The following IRAG1 variants were observed in gnomAD, a reference collection of about 807,000 sequenced individuals.
IRAG1 encodes the protein inositol 1,4,5-triphosphate receptor associated 1.
A neutral mutation model predicts 106.2 loss-of-function variants in IRAG1; 62 were observed. The ratio of observed to expected loss-of-function variants is 0.58; its 90% CI spans 0.48 to 0.72. The LOEUF is 0.72. Among genes scored for constraint, IRAG1 ranks in the 30% least tolerant of loss-of-function variants. The pLI is 0.00. For synonymous variants in IRAG1, 462 were observed against 443.9 expected (o/e 1.04, Z -0.51); for missense variants, 1,064 against 1,140.7 (o/e 0.93, Z 0.97).
rs528243828 is a variant in IRAG1 at position 10,665,583 on chromosome 11, C to T, written c.68-13401G>A. ...GAGCTGGATAGGCTCTCACTCTCAA[C>T]CCTCCCCAGAAGAGCAGACCCCAAG... On this transcript the variant is annotated intron_variant, in intron 1 of 20. Coordinates refer to ENST00000423302, the MANE Select transcript of IRAG1 (RefSeq NM_130385.4). The surrounding 1 kb of genome is among the most constrained non-coding windows in gnomAD (Gnocchi z 4.2). Among the ~76,000 whole-genome samples, 2 of 152,344 alleles carry T rather than the reference C, an allele frequency of 1.3e-5. No individual in the cohort carries two copies. The highest frequency in any genetic ancestry group is 3.9e-4 in the East Asian group (2 of 5,188).
Position 10,623,991 on chromosome 11 carries a change from C to A in IRAG1, c.1369-135G>T, listed in dbSNP as rs563244597. 24 of 749,840 alleles carry A rather than the reference C, an allele frequency of 3.2e-5. No homozygotes were observed. The African/African-American group carries it at 3.6e-4, about 11-fold the overall frequency. The allele number at this position is 749,840 out of a possible 1,614,324, so 46.4% of individuals were successfully genotyped here. ...GCAGCCTGAGAGGTGGGTGGGCAGG[C>A]ATGGCATGGTGAGGCCTGAGAAGCA... is the stretch of plus-strand genomic sequence containing the variant. On this transcript the variant is annotated intron_variant, in intron 9 of 20. Coordinates refer to ENST00000423302, the MANE Select transcript of IRAG1 (RefSeq NM_130385.4).
chr11:10,574,132 C>A lies in IRAG1; in HGVS notation c.*2200G>T, dbSNP rs1015655021. Reference sequence around the variant, plus strand: ...GTGGGGGGTCTCTCTGAAGGAGTGACTGCATTGAGCCCAGTCCTTGAGCTT... The same window carrying A: ...GTGGGGGGTCTCTCTGAAGGAGTGAATGCATTGAGCCCAGTCCTTGAGCTT... On this transcript the variant is annotated 3_prime_UTR_variant, in exon 21 of 21. Coordinates refer to ENST00000423302, the MANE Select transcript of IRAG1 (RefSeq NM_130385.4). The A allele has an allele frequency of 2.0e-5, 3 of 152,518 alleles. No individual in the cohort carries two copies. The highest frequency in any genetic ancestry group is 7.2e-5 in the African/African-American group (3 of 41,584). 9.4% of individuals were successfully genotyped at this position (152,518 alleles called of 1,614,324 possible).
rs545563197 is a variant in IRAG1, at chr11:10,583,812, G to A, written c.2241-1826C>T. Among the ~76,000 whole-genome samples the A allele has an allele frequency of 3.3e-5, 5 of 152,292 alleles. No individual in the cohort carries two copies. The South Asian group carries it at 1.0e-3, about 32-fold the overall frequency. On this transcript the variant is annotated intron_variant, in intron 18 of 20. Coordinates refer to ENST00000423302, the MANE Select transcript of IRAG1 (RefSeq NM_130385.4). ...ACAAAGGTAAGATGATGATGAAGTT[G>A]TTGGGCTGGAGATCTGGTGAAGGAA... is the stretch of plus-strand genomic sequence containing the variant.
intron 9 of IRAG1, 54 bp downstream of exon 9, chr11:10,625,912 G>T (rs774863173): frequency 2.8e-5 from 39 of 1,384,936 alleles, no homozygotes; most frequent in Middle Eastern, 1.9e-4. Flanking sequence ...GAGGTCTTCA[G>T]CCCAGGGAGT....
rs554697124 is a variant in IRAG1 at position 10,650,511 on chromosome 11, G to A, written c.225+1514C>T. Among the ~76,000 whole-genome samples, 3 of 152,328 alleles carry A rather than the reference G, an allele frequency of 2.0e-5. No homozygotes were observed. In the South Asian group the frequency reaches 6.2e-4, roughly 32 times the overall value. ...GGGTACTACCATTGTTAGTAAAGTA[G>A]AAGGGGCCAGGGATGGCCATTTTCA... On this transcript the variant is annotated intron_variant, in intron 2 of 20. Transcript: ENST00000423302.
rs115462549 is a variant in IRAG1, at chr11:10,635,909, G to T, written c.226-1838C>A. On this transcript the variant is annotated intron_variant, in intron 2 of 20. Coordinates refer to ENST00000423302, the MANE Select transcript of IRAG1 (RefSeq NM_130385.4). ...GGGCTCTGTGTTCTTATCCGGGAGC[G>T]ATTCAGTGCAGAAAGCTACAGTGGC... Among the ~76,000 whole-genome samples the T allele has an allele frequency of 8.4e-3, 1,272 of 152,248 alleles. 7 individuals are homozygous for T. Among genetic ancestry groups the T allele is most frequent in the African/African-American group, 0.029 (1,212 of 41,528 alleles).
chr11:10,635,824 T>C (rs112934250), intron 2 of IRAG1, among the ~76,000 whole-genome samples: 271 of 152,342 alleles, frequency 1.8e-3, no homozygotes, highest in Non-Finnish European at 2.9e-3. Flanking sequence ...GCTGCTTCTC[T>C]TGTGGAAAGG....
chr11:10,628,714 A>G lies in IRAG1; in HGVS notation c.652+37T>C. 6.8e-7 allele frequency: 1 copy of G among 1,468,730 alleles called. No homozygotes were observed. Among genetic ancestry groups the G allele is most frequent in the Non-Finnish European group, 9.1e-7 (1 of 1,101,942 alleles). The allele number at this position is 1,468,730 out of a possible 1,614,324, so 91.0% of individuals were successfully genotyped here. Reference sequence around the variant, plus strand: ...AGGCTGAGCTGCCACCCAGAGCGAGAGGCAGGGCAGGAAGTCCCCGGGCAG... The same window carrying G: ...AGGCTGAGCTGCCACCCAGAGCGAGGGGCAGGGCAGGAAGTCCCCGGGCAG... On this transcript the variant is annotated intron_variant, in intron 6 of 20. Coordinates refer to ENST00000423302, the MANE Select transcript of IRAG1 (RefSeq NM_130385.4). The surrounding 1 kb of genome is among the most constrained non-coding windows in gnomAD (Gnocchi z 4.1).
intron 10 of IRAG1, among the ~76,000 whole-genome samples, chr11:10,620,886 T>C (rs1159590109): frequency 6.6e-6 from 1 of 152,200 alleles, no homozygotes; most frequent in African/African-American, 2.4e-5. Context: ...TTGTTAATCC[T>C]AGTTCAAAGA....
rs1850676704 is a variant in IRAG1, at chr11:10,573,261, A to G, written c.*3071T>C. 2 of 152,198 alleles carry G rather than the reference A, an allele frequency of 1.3e-5. No homozygotes were observed. The highest frequency in any genetic ancestry group is 4.8e-5 in the African/African-American group (2 of 41,456). The allele number at this position is 152,198 out of a possible 1,614,324, so 9.4% of individuals were successfully genotyped here. ...TCAGGCTGTATATGGGGAGCAACAC[A>G]TATGGCTTTGTGGCAGCCAGAAAGT... On this transcript the variant is annotated 3_prime_UTR_variant, in exon 21 of 21. Coordinates refer to ENST00000423302, the MANE Select transcript of IRAG1 (RefSeq NM_130385.4).
chr11:10,615,004 C>A (rs900449691), intron 10 of IRAG1, among the ~76,000 whole-genome samples: 4 of 152,156 alleles, frequency 2.6e-5, no homozygotes, highest in African/African-American at 9.7e-5. Flanking sequence ...AGGCAACCTA[C>A]AGAACAGGAG....
At chr11:10,679,824 C>T (rs910939395) in intron 1 of IRAG1, among the ~76,000 whole-genome samples, 3 of 152,140 alleles carry the variant, frequency 2.0e-5, no homozygotes, top group South Asian at 2.1e-4. Context: ...GGAATATCAG[C>T]GGGAGATAGG....
intron 10 of IRAG1, among the ~76,000 whole-genome samples, chr11:10,615,341 G>A (rs11042896): frequency 0.52 from 79,379 of 152,010 alleles, 21,203 homozygotes; most frequent in East Asian, 0.7. Flanking sequence ...GTGGGACTAT[G>A]AACTGGTTCA....
Position 10,647,445 on chromosome 11 carries a change from C to G in IRAG1, c.225+4580G>C, listed in dbSNP as rs1050084747. On this transcript the variant is annotated intron_variant, in intron 2 of 20. Transcript: ENST00000423302. This position sits in a 1 kb window ranked among gnomAD's most constrained non-coding sequence, Gnocchi z 4.3. The stretch of plus-strand genomic sequence containing the variant: ...TATTATTAAGTGGCTTTGTGTGCAG[C>G]GGAGGTAGGGGAACAGGGGAGGTGG... Among the ~76,000 whole-genome samples the G allele has an allele frequency of 6.6e-6, 1 of 152,064 alleles. No homozygotes were observed. Among genetic ancestry groups the G allele is most frequent in the Non-Finnish European group, 1.5e-5 (1 of 68,024 alleles).
intron 10 of IRAG1, among the ~76,000 whole-genome samples, chr11:10,614,558 T>G (rs1008913162): frequency 3.9e-5 from 6 of 152,168 alleles, no homozygotes; most frequent in Non-Finnish European, 4.4e-5. Context: ...AAGGCTACAG[T>G]AACCAAAACA....
At position 10,626,130 on chromosome 11, in the gene IRAG1, G is replaced by A. The variant is rs1470995520; in HGVS notation, c.1204C>T (p.Pro402Ser). The change falls in exon 9 of 21, where the codon CCT (proline) becomes TCT (serine). Residue 402 changes from proline (P) to serine (S), a missense_variant. Transcript: ENST00000423302. ...AGCACTTTCTGCAGCCGGGGGCCAG[G>A]TTCTTCAGGGCCACTGTCCCAGGAG... ...GLSWDSGPEE[P>S]GPRLQKVLAK... 8 of 1,539,900 alleles carry A rather than the reference G, an allele frequency of 5.2e-6. No homozygotes were observed. Among genetic ancestry groups the A allele is most frequent in the Non-Finnish European group, 7.0e-6 (8 of 1,142,738 alleles).
At chr11:10,581,549 A>G (rs538426838) in intron 19 of IRAG1, among the ~76,000 whole-genome samples, 14 of 152,080 alleles carry the variant, frequency 9.2e-5, no homozygotes, top group Admixed American at 8.5e-4. Flanking sequence ...AGCACGTGTC[A>G]GGAAGCCTCA....
Position 10,625,964 on chromosome 11 carries a change from A to G in IRAG1, c.1368+2T>C. On this transcript the variant is annotated splice_donor_variant, in intron 9 of 20. Coordinates refer to ENST00000423302, the MANE Select transcript of IRAG1 (RefSeq NM_130385.4). LOFTEE classifies it high-confidence loss of function. ...CTGCCCAACTGGCCCCCAGGAACCC[A>G]CCTCTCGGAGCTTGGTCAGTTTCTG... 1 of 1,468,252 alleles carries G rather than the reference A, an allele frequency of 6.8e-7. No homozygotes were observed. The allele number at this position is 1,468,252 out of a possible 1,614,324, so 91.0% of individuals were successfully genotyped here.
intron 1 of IRAG1, among the ~76,000 whole-genome samples, chr11:10,679,112 G>C (rs1860934391): frequency 6.6e-6 from 1 of 152,152 alleles, no homozygotes; most frequent in Non-Finnish European, 1.5e-5. Flanking sequence ...ACTGCTCCTT[G>C]GAAGCTTCCA....
Sources: allele counts gnomAD v4.1 joint callset (sites outside exome capture counted in the v4.1 genomes callset), GRCh38; gene constraint gnomAD v4.1.1; non-coding constraint Gnocchi (gnomAD v3.1); transcripts MANE v1.5; gene names NCBI Gene and HGNC (gene_info 2026-07-23, HGNC 2026-07-21).